Variants in AGAP6 observed in about 807,000 individuals in gnomAD.
AGAP6 encodes the protein ArfGAP with GTPase domain, ankyrin repeat and PH domain 6.
Under a neutral mutation model 63.9 loss-of-function variants are expected in AGAP6, and 29 were observed. The ratio of observed to expected loss-of-function variants is 0.45; its 90% CI spans 0.34 to 0.62. The LOEUF (loss-of-function observed/expected upper bound fraction) is 0.62, where lower values mean the gene tolerates loss of function less well. Ranked by LOEUF, AGAP6 falls within the 20% of genes least tolerant of loss-of-function variation. AGAP6 has a pLI of 0.01. For synonymous variants in AGAP6, 199 were observed against 332.9 expected, an observed-to-expected ratio of 0.60 and a Z score of 4.38; for missense variants, 493 against 884.9, an observed-to-expected ratio of 0.56 and a Z score of 5.62.
rs1349068232 is a variant in AGAP6 at position 49,999,621 on chromosome 10, C to T, written c.397-2375C>T. Among the ~76,000 whole-genome samples, 5 of 122,962 alleles carry T rather than the reference C, an allele frequency of 4.1e-5. 1 individual carries two copies. The highest frequency in any genetic ancestry group is 9.8e-5 in the African/African-American group (3 of 30,626). 80.7% of individuals were successfully genotyped at this position (122,962 alleles called of 152,430 possible). A position where few individuals can be genotyped will look rare whatever the true frequency, so the allele number is the denominator to read the frequency against. On this transcript the variant is annotated intron_variant, in intron 4 of 7. Coordinates refer to ENST00000412531, the MANE Select transcript of AGAP6 (RefSeq NM_001077665.3). The stretch of plus-strand genomic sequence containing the variant: ...TACTGGAAGGCCTAGCCAGAGCAAT[C>T]ACACAAGAGAAAACAATAAAAGGCA...
At chr10:49,995,904 A>G (rs1841466439) in intron 4 of AGAP6, among the ~76,000 whole-genome samples, 1 of 152,144 alleles carries the variant, frequency 6.6e-6, no homozygotes, top group African/African-American at 2.4e-5. Context: ...GTTATTTACA[A>G]CCAGGTTTTA....
intron 6 of AGAP6, among the ~76,000 whole-genome samples, chr10:50,005,532 A>G (rs1554863730): frequency 6.6e-6 from 1 of 150,480 alleles, no homozygotes; most frequent in Non-Finnish European, 1.5e-5. Context: ...AACCGCTTGA[A>G]CTTGGGAGGC....
intron 3 of AGAP6, among the ~76,000 whole-genome samples, chr10:49,992,798 G>A (rs1342594498): frequency 6.6e-6 from 1 of 151,792 alleles, no homozygotes; most frequent in Non-Finnish European, 1.5e-5. Context: ...GTCTCACTCT[G>A]TTGCCCAGGC....
intron 2 of AGAP6, among the ~76,000 whole-genome samples, chr10:49,990,812 G>A (rs1457381639): frequency 1.3e-5 from 2 of 152,164 alleles, no homozygotes; most frequent in Non-Finnish European, 2.9e-5. Context: ...GTGTGACTTT[G>A]TAACTTGGAA....
chr10:50,006,944 G>A (rs1453784511), intron 6 of AGAP6, among the ~76,000 whole-genome samples: 2 of 151,882 alleles, frequency 1.3e-5, no homozygotes, highest in Non-Finnish European at 2.9e-5. Context: ...TGGTACCACT[G>A]CCTTGATTTA....
Position 49,991,661 on chromosome 10 carries a change from C to A in AGAP6, c.293-15C>A, listed in dbSNP as rs1554860955. The A allele has an allele frequency of 6.3e-7, 1 of 1,595,146 alleles. No homozygotes were observed. The highest frequency in any genetic ancestry group is 1.1e-5 in the South Asian group (1 of 90,444). Reference sequence around the variant, plus strand: ...TGATTACATCTTTTTTTCTTTTCTTCCTCTGTGCATATAGCTTTGGAGTTT... The same window carrying A: ...TGATTACATCTTTTTTTCTTTTCTTACTCTGTGCATATAGCTTTGGAGTTT... On this transcript the variant is annotated splice_polypyrimidine_tract_variant and intron_variant, in intron 2 of 7. Coordinates refer to ENST00000412531, the MANE Select transcript of AGAP6 (RefSeq NM_001077665.3).
intron 4 of AGAP6, among the ~76,000 whole-genome samples, chr10:49,999,293 C>T (rs1366337738): frequency 2.2e-5 from 3 of 133,750 alleles, no homozygotes; most frequent in Non-Finnish European, 3.1e-5. Flanking sequence ...ACCAGGGATG[C>T]AGGGATGGAT....
intron 6 of AGAP6, among the ~76,000 whole-genome samples, chr10:50,007,513 G>A (rs1206975172): frequency 7.5e-6 from 1 of 133,896 alleles, no homozygotes; most frequent in Non-Finnish European, 1.6e-5. Context: ...TTATACACAG[G>A]CACAATGCAT....
At chr10:50,006,774 AGC>A (rs1480949218) in intron 6 of AGAP6, among the ~76,000 whole-genome samples, 142 of 152,104 alleles carry the variant, frequency 9.3e-4, no homozygotes, top group South Asian at 4.4e-3. Flanking sequence ...CAAAAAAAAA[AGC>A]GCTTCTGGTT....
chr10:49,994,961 CAAAAAAAAAAA>C (rs536082046), intron 4 of AGAP6, among the ~76,000 whole-genome samples: 1 of 63,194 alleles, frequency 1.6e-5, no homozygotes, highest in Non-Finnish European at 2.9e-5. Context: ...AACTCTGTCT[CAAAAAAAAAAA>C]AAAAAAAAAA....
chr10:49,990,778 T>C (rs1554860699), intron 2 of AGAP6, among the ~76,000 whole-genome samples: 1 of 152,210 alleles, frequency 6.6e-6, no homozygotes, highest in African/African-American at 2.4e-5. Context: ...TTTAAAGAGG[T>C]AAGATAATTA....
At chr10:49,989,790 A>G (rs1841197281) in intron 2 of AGAP6, among the ~76,000 whole-genome samples, 1 of 152,222 alleles carries the variant, frequency 6.6e-6, no homozygotes, top group South Asian at 2.1e-4. Flanking sequence ...AAGGTGTAAA[A>G]TGTCACAGCC....
chr10:49,993,789 G>C (rs191687989), intron 3 of AGAP6, among the ~76,000 whole-genome samples: 10,757 of 146,068 alleles, frequency 0.074, 554 homozygotes, highest in African/African-American at 0.14. Flanking sequence ...CACTGCACTC[G>C]AGCCTAGGTG....
intron 6 of AGAP6, among the ~76,000 whole-genome samples, chr10:50,005,037 T>C (rs551077235): frequency 6.6e-6 from 1 of 152,320 alleles, no homozygotes; most frequent in African/African-American, 2.4e-5. Flanking sequence ...TAGATAATGC[T>C]TTGTTGTGAG....
At chr10:49,989,056 G>C (rs1407160927) in intron 1 of AGAP6, 118 bp downstream of exon 1, 55 of 1,587,382 alleles carry the variant, frequency 3.5e-5, no homozygotes, top group African/African-American at 1.2e-4. Flanking sequence ...CAGCTTTCCC[G>C]GGGGCTGGCC....
rs552797425 is a variant in AGAP6, at chr10:49,988,537, G to A, written c.-179G>A. ...GGCAGCAGGGTGCGGGCCTTGGCCC[G>A]CAGCCCTAGCCGGGGCCGGGGCCAG... On this transcript the variant is annotated 5_prime_UTR_variant, in exon 1 of 8. Transcript: ENST00000412531. The A allele has an allele frequency of 2.4e-4, 360 of 1,517,504 alleles. No individual in the cohort carries two copies. The South Asian group carries it at 3.5e-3, about 15-fold the overall frequency. The allele number at this position is 1,517,504 out of a possible 1,614,324, so 94.0% of individuals were successfully genotyped here.
At chr10:49,989,061 C>G in intron 1 of AGAP6, 123 bp downstream of exon 1, 1 of 1,580,776 alleles carries the variant, frequency 6.3e-7, no homozygotes, top group Non-Finnish European at 8.5e-7. Context: ...TTCCCGGGGG[C>G]TGGCCAGGAA....
At chr10:49,993,468 A>AG (rs1296600784) in intron 3 of AGAP6, among the ~76,000 whole-genome samples, 2 of 151,896 alleles carry the variant, frequency 1.3e-5, no homozygotes, top group African/African-American at 4.8e-5. Context: ...GGAAAAAAAA[A>AG]TGATTTTTTG....
In AGAP6 at chr10:50,009,641, C is replaced by A; in HGVS notation, c.1516C>A (p.His506Asn). The A allele has an allele frequency of 6.2e-7, 1 of 1,614,090 alleles. No homozygotes were observed. Among genetic ancestry groups the A allele is most frequent in the South Asian group, 1.1e-5 (1 of 91,086 alleles). The change falls in exon 8 of 8, where the codon CAC (histidine) becomes AAC (asparagine). Residue 506 changes from histidine (H) to asparagine (N), a missense_variant. This residue lies in a region of AGAP6 where 87 missense variants were observed against 92.9 expected (regional missense o/e 0.94). Transcript: ENST00000412531. ...CATGTGTATTGAATGCTCAGGTATC[C>A]ACCGCAGTCTTGGCCCCCACCTTTC... ...VLMCIECSGI[H>N]RSLGPHLSRV...
Sources: allele counts gnomAD v4.1 joint callset (sites outside exome capture counted in the v4.1 genomes callset), GRCh38; gene constraint gnomAD v4.1.1; regional missense constraint gnomAD v4.1.1; transcripts MANE v1.5; gene names NCBI Gene and HGNC (gene_info 2026-07-23, HGNC 2026-07-21).